RSPH9: variants seen among roughly 807,000 people sequenced by gnomAD.
RSPH9 encodes the protein radial spoke head protein 9 homolog.
RSPH9 carries 27 observed loss-of-function variants against 27.0 expected under a neutral mutation model. That is an observed-to-expected ratio of 1.00 (90% confidence interval 0.74 to 1.38). RSPH9 has a LOEUF of 1.38. RSPH9 is among the 40% of genes most tolerant of loss of function. The pLI, the probability that RSPH9 is intolerant of heterozygous loss-of-function variation, is 0.00. For synonymous variants in RSPH9, 145 were observed against 147.7 expected, an observed-to-expected ratio of 0.98 and a Z score of 0.13; for missense variants, 347 against 357.4, an observed-to-expected ratio of 0.97 and a Z score of 0.24.
At chr6:43,652,327 A>T (rs983375078) in intron 2 of RSPH9, among the ~76,000 whole-genome samples, 1 of 151,836 alleles carries the variant, frequency 6.6e-6, no homozygotes, top group Non-Finnish European at 1.5e-5. Context: ...AGAAAAAAAA[A>T]TGGCAGCATG....
At chr6:43,664,741 G>A (rs1298215064) in intron 4 of RSPH9, among the ~76,000 whole-genome samples, 1 of 152,232 alleles carries the variant, frequency 6.6e-6, no homozygotes, top group Non-Finnish European at 1.5e-5. Context: ...CTCCGGACAA[G>A]TAGGGGGATA....
At chr6:43,666,410 C>A (rs1366282275) in intron 4 of RSPH9, 3 of 1,544,426 alleles carry the variant, frequency 1.9e-6, no homozygotes, top group Non-Finnish European at 2.6e-6. Flanking sequence ...GTTAGGATAA[C>A]TGTTTCCTTT....
At chr6:43,662,138 C>T (rs1329224706) in intron 4 of RSPH9, among the ~76,000 whole-genome samples, 1 of 152,066 alleles carries the variant, frequency 6.6e-6, no homozygotes. Flanking sequence ...CTGAGTCTCC[C>T]AAAGTGCTAG....
chr6:43,665,823 C>CTTTT (rs529992310), intron 4 of RSPH9, among the ~76,000 whole-genome samples: 4 of 148,668 alleles, frequency 2.7e-5, no homozygotes, highest in East Asian at 2.0e-4. Context: ...TTCTTTCTTT[C>CTTTT]TTTTTTTTTT....
At chr6:43,668,704 T>C (rs1297656156) in intron 4 of RSPH9, among the ~76,000 whole-genome samples, 4 of 152,130 alleles carry the variant, frequency 2.6e-5, no homozygotes, top group African/African-American at 7.2e-5. Flanking sequence ...AGGGTCTAGG[T>C]TGGAGGACTC....
At position 43,671,950 on chromosome 6, in the gene RSPH9, C is replaced by T. The variant is rs1456468282; in HGVS notation, c.*1001C>T. The T allele has an allele frequency of 6.5e-7, 1 of 1,533,886 alleles. No homozygotes were observed. Among genetic ancestry groups the T allele is most frequent in the Non-Finnish European group, 8.8e-7 (1 of 1,138,610 alleles). On this transcript the variant is annotated 3_prime_UTR_variant, in exon 5 of 5. Coordinates refer to ENST00000372163, the MANE Select transcript of RSPH9 (RefSeq NM_152732.5). ...GAGGTGCCTGTGAGGGCTGGGGGCCCAAGCTGGACGTGGGAGAGTGGAGCA... is the reference window on the plus strand; with the variant it reads ...GAGGTGCCTGTGAGGGCTGGGGGCCTAAGCTGGACGTGGGAGAGTGGAGCA...
At chr6:43,659,399 T>C (rs1472396491) in intron 4 of RSPH9, among the ~76,000 whole-genome samples, 2 of 151,900 alleles carry the variant, frequency 1.3e-5, no homozygotes, top group African/African-American at 4.8e-5. Context: ...TTTTTTTTTT[T>C]TGAGACGGAG....
intron 1 of RSPH9, among the ~76,000 whole-genome samples, chr6:43,648,984 G>T (rs1771166421): frequency 1.3e-5 from 2 of 152,122 alleles, no homozygotes; most frequent in African/African-American, 4.8e-5. Context: ...TCTTGAAGTG[G>T]TGGGGCAGAA....
intron 4 of RSPH9, among the ~76,000 whole-genome samples, chr6:43,667,561 G>A (rs1773274013): frequency 6.6e-6 from 1 of 152,234 alleles, no homozygotes; most frequent in Non-Finnish European, 1.5e-5. Flanking sequence ...CGGGATGTGC[G>A]CAGGTGGCTC....
At position 43,670,974 on chromosome 6, in the gene RSPH9, T is replaced by C. The variant is rs758552088; in HGVS notation, c.*25T>C. 1.9e-6 allele frequency: 3 copies of C among 1,613,820 alleles called. No individual in the cohort carries two copies. Among genetic ancestry groups the C allele is most frequent in the Admixed American group, 3.3e-5 (2 of 59,994 alleles). On this transcript the variant is annotated 3_prime_UTR_variant, in exon 5 of 5. Transcript: ENST00000372163. ...GAATGGGAGCCAGCCTGGATGTTTT[T>C]AAACAGAGTCTAAACATGATTTTCT...
rs1000694900 is a variant in RSPH9, at chr6:43,671,334, T to C, written c.*385T>C. 6 of 405,252 alleles carry C rather than the reference T, an allele frequency of 1.5e-5. No homozygotes were observed. The Admixed American group carries it at 1.6e-4, about 11-fold the overall frequency. 25.1% of individuals were successfully genotyped at this position (405,252 alleles called of 1,614,324 possible). ...AAGAGGATGGGACCTGTTTGGCCCA[T>C]GAATTCAATTGACTCATTGGCCCCA... On this transcript the variant is annotated 3_prime_UTR_variant, in exon 5 of 5. Coordinates refer to ENST00000372163, the MANE Select transcript of RSPH9 (RefSeq NM_152732.5).
At chr6:43,645,703 A>G (rs1367828264) in intron 1 of RSPH9, among the ~76,000 whole-genome samples, 5 of 152,238 alleles carry the variant, frequency 3.3e-5, no homozygotes, top group Non-Finnish European at 5.9e-5. Context: ...CAGGTGAAGC[A>G]GTGGGAAGGT....
In RSPH9 at chr6:43,650,382, T is replaced by C. The variant is rs1468687902; in HGVS notation, c.235T>C (p.Cys79Arg). ...TGTGAATATTGTTGGCAGCCTGAAC[T>C]GCACAGAGTGGAGCCTCTTGCCCCC... ...APRKTLYSLNCTEWSLLPPAT... is the reference protein window; with the variant it reads ...APRKTLYSLNRTEWSLLPPAT... The change falls in exon 2 of 5, where the codon TGC becomes CGC. Residue 79 changes from cysteine to arginine, a missense_variant. Transcript: ENST00000372163. 3 of 1,613,276 alleles carry C rather than the reference T, an allele frequency of 1.9e-6. No homozygotes were observed. The highest frequency in any genetic ancestry group is 2.5e-6 in the Non-Finnish European group (3 of 1,180,034).
At chr6:43,668,532 T>C (rs1773381896) in intron 4 of RSPH9, among the ~76,000 whole-genome samples, 1 of 152,126 alleles carries the variant, frequency 6.6e-6, no homozygotes, top group South Asian at 2.1e-4. Flanking sequence ...CCCCTGCTGA[T>C]AGGCCTAGGC....
chr6:43,645,724 T>C (rs202186963), intron 1 of RSPH9, among the ~76,000 whole-genome samples: 1 of 152,144 alleles, frequency 6.6e-6, no homozygotes, highest in Non-Finnish European at 1.5e-5. Context: ...TTCTGGAAAA[T>C]GCGGACCTGG....
chr6:43,660,455 T>TTTTATTTA (rs1047515046), intron 4 of RSPH9, among the ~76,000 whole-genome samples: 1 of 151,886 alleles, frequency 6.6e-6, no homozygotes, highest in Non-Finnish European at 1.5e-5. Flanking sequence ...GCATATTCTT[T>TTTTATTTA]TTTATTTATT....
intron 1 of RSPH9, among the ~76,000 whole-genome samples, chr6:43,645,813 A>T (rs1186094414): frequency 6.6e-6 from 1 of 152,224 alleles, no homozygotes. Flanking sequence ...GTCAGACGCC[A>T]GAGGGAGAGG....
intron 2 of RSPH9, among the ~76,000 whole-genome samples, chr6:43,654,054 CT>C (rs1025372274): frequency 7.9e-5 from 12 of 152,134 alleles, no homozygotes; most frequent in African/African-American, 2.7e-4. Flanking sequence ...ACTTTGCAGG[CT>C]TGTGTGGATT....
At chr6:43,653,748 A>G (rs565670342) in intron 2 of RSPH9, among the ~76,000 whole-genome samples, 1 of 152,040 alleles carries the variant, frequency 6.6e-6, no homozygotes, top group East Asian at 1.9e-4. Flanking sequence ...GCCAGAGTGC[A>G]ATGGCGTGGT....
Sources: allele counts gnomAD v4.1 joint callset (sites outside exome capture counted in the v4.1 genomes callset), GRCh38; gene constraint gnomAD v4.1.1; transcripts MANE v1.5; gene names NCBI Gene and HGNC (gene_info 2026-07-23, HGNC 2026-07-21).